The following HYDIN variants were observed in gnomAD, a reference collection of about 807,000 sequenced individuals.
HYDIN encodes axonemal central pair apparatus protein HYDIN.
HYDIN carries 132 observed loss-of-function variants against 403.9 expected under a neutral mutation model. That is an observed-to-expected ratio of 0.33 (90% CI 0.28 to 0.38). The LOEUF is 0.38. HYDIN is among the 10% of genes least tolerant of loss of function. HYDIN has a pLI of 1.00. For missense variants in HYDIN, 2,827 were observed against 5,009.5 expected (o/e 0.56, Z 13.15); for synonymous variants, 1,202 against 1,891.7 (o/e 0.64, Z 9.46).
At chr16:70,901,520 G>C (rs2076377373) in intron 52 of HYDIN, among the ~76,000 whole-genome samples, 1 of 149,518 alleles carries the variant, frequency 6.7e-6, no homozygotes, top group South Asian at 2.1e-4. Context: ...GGGGTATTTG[G>C]TTTTCCGTTC....
At chr16:71,082,574 A>T (rs540240956) in intron 12 of HYDIN, among the ~76,000 whole-genome samples, 17 of 151,796 alleles carry the variant, frequency 1.1e-4, no homozygotes, top group African/African-American at 3.9e-4. Context: ...TGTCCAGAAG[A>T]TAGAACAAGA....
At chr16:70,909,006 A>T in intron 47 of HYDIN, 145 bp from the exon 48 acceptor site, 1 of 730,432 alleles carries the variant, frequency 1.4e-6, no homozygotes, top group Non-Finnish European at 2.2e-6. Context: ...AGTCTTGGGT[A>T]GTGACAAGAC....
chr16:71,146,537 T>TTG (rs1481747912), intron 7 of HYDIN, among the ~76,000 whole-genome samples: 4 of 72,300 alleles, frequency 5.5e-5, no homozygotes, highest in African/African-American at 7.9e-5. Context: ...AACAGGAGGT[T>TTG]CAAATATATC....
chr16:70,811,717 C>T lies in HYDIN; in HGVS notation c.14659-1710G>A, dbSNP rs546803222. On this transcript the variant is annotated intron_variant, in intron 84 of 85. Coordinates refer to ENST00000393567, the MANE Select transcript of HYDIN (RefSeq NM_001270974.2). ...TACTAAAAATACAAAATTAGCTGGGCGTGGTGGCACATGCCTGTGATCTTA... is the reference window on the plus strand; with the variant it reads ...TACTAAAAATACAAAATTAGCTGGGTGTGGTGGCACATGCCTGTGATCTTA... 7.7e-4 allele frequency among the ~76,000 whole-genome samples: 117 copies of T among 151,682 alleles called. 1 individual carries two copies. The highest frequency in any genetic ancestry group is 2.7e-3 in the African/African-American group (112 of 41,342).
chr16:70,944,040 A>C, intron 41 of HYDIN, 91 bp from the exon 42 acceptor site: 11 of 941,552 alleles, frequency 1.2e-5, no homozygotes, highest in African/African-American at 1.6e-5. Flanking sequence ...TGGGAAGATC[A>C]CATAATCTGT....
intron 7 of HYDIN, among the ~76,000 whole-genome samples, chr16:71,139,687 A>G (rs1358693723): frequency 6.6e-6 from 1 of 152,046 alleles, no homozygotes; most frequent in Non-Finnish European, 1.5e-5. Flanking sequence ...TTCAGAAAAC[A>G]CAAAAGGCAA....
At chr16:70,999,332 GAGA>G (rs934318532) in intron 23 of HYDIN, among the ~76,000 whole-genome samples, 1 of 151,384 alleles carries the variant, frequency 6.6e-6, no homozygotes, top group African/African-American at 2.4e-5. Flanking sequence ...AGATGGTAGT[GAGA>G]AGGTCATGAA....
At chr16:70,944,668 C>T (rs985584747) in intron 41 of HYDIN, among the ~76,000 whole-genome samples, 1 of 152,164 alleles carries the variant, frequency 6.6e-6, no homozygotes, top group Admixed American at 6.6e-5. Flanking sequence ...CCTTGTAGCC[C>T]ATGGTCAGCA....
At chr16:71,139,477 T>C (rs1244115902) in intron 7 of HYDIN, among the ~76,000 whole-genome samples, 1 of 152,016 alleles carries the variant, frequency 6.6e-6, no homozygotes, top group Non-Finnish European at 1.5e-5. Context: ...CAATTATACA[T>C]ACTATGTTTA....
chr16:70,981,732 C>A (rs542544298), intron 28 of HYDIN, among the ~76,000 whole-genome samples, 164 bp from the exon 29 acceptor site: 4 of 152,160 alleles, frequency 2.6e-5, no homozygotes, highest in African/African-American at 7.2e-5. Context: ...AGAAGAGGTT[C>A]GTAAATCCAC....
intron 41 of HYDIN, among the ~76,000 whole-genome samples, chr16:70,944,597 G>A (rs530596261): frequency 1.4e-4 from 22 of 152,266 alleles, no homozygotes; most frequent in African/African-American, 4.8e-4. Context: ...AGTGAGCAAT[G>A]GGGAAGACAG....
At chr16:70,810,036 T>G in intron 84 of HYDIN, 29 bp from the exon 85 acceptor site, 1 of 1,603,350 alleles carries the variant, frequency 6.2e-7, no homozygotes, top group Non-Finnish European at 8.5e-7. Flanking sequence ...GATCCTGTCA[T>G]GCTGAAAGGC....
At chr16:70,951,480 T>C (rs2143918621) in intron 41 of HYDIN, among the ~76,000 whole-genome samples, 2 of 152,084 alleles carry the variant, frequency 1.3e-5, no homozygotes, top group South Asian at 4.2e-4. Flanking sequence ...CAAAAGACCA[T>C]GCCTCCTACA....
intron 39 of HYDIN, among the ~76,000 whole-genome samples, chr16:70,957,352 A>T (rs2078276351): frequency 7.5e-6 from 1 of 133,316 alleles, no homozygotes; most frequent in African/African-American, 3.1e-5. Context: ...TTTGAGATGG[A>T]GTCTCGCCCT....
chr16:70,940,497 T>C (rs1268897272), intron 43 of HYDIN, among the ~76,000 whole-genome samples: 2 of 151,846 alleles, frequency 1.3e-5, no homozygotes, highest in African/African-American at 2.4e-5. Flanking sequence ...TGTGACCGTA[T>C]ACCATCTTAG....
chr16:70,995,156 C>T (rs146334999), intron 23 of HYDIN, among the ~76,000 whole-genome samples: 94 of 152,256 alleles, frequency 6.2e-4, no homozygotes, highest in East Asian at 4.3e-3. Flanking sequence ...GAGGACTTTA[C>T]GTTATTAAAA....
chr16:70,994,343 G>C (rs931283306), intron 23 of HYDIN, among the ~76,000 whole-genome samples: 1 of 151,652 alleles, frequency 6.6e-6, no homozygotes, highest in African/African-American at 2.4e-5. Context: ...GAGAACAGTT[G>C]AATAGCATAG....
In HYDIN at chr16:70,920,584, T is replaced by C. The variant is rs776943928; in HGVS notation, c.7785+7A>G. On this transcript the variant is annotated splice_region_variant and intron_variant, in intron 46 of 85. Transcript: ENST00000393567. ...GAGACTTCCCCACCCTGGAGGAGAG[T>C]CCATACCTGCTCTCCTTTGGGAAGC... 1.2e-6 allele frequency: 2 copies of C among 1,600,930 alleles called. No homozygotes were observed. Among genetic ancestry groups the C allele is most frequent in the East Asian group, 2.2e-5 (1 of 44,786 alleles).
chr16:70,824,176 T>C (rs1230120787), intron 83 of HYDIN, among the ~76,000 whole-genome samples: 1 of 148,638 alleles, frequency 6.7e-6, no homozygotes, highest in Non-Finnish European at 1.5e-5. Flanking sequence ...TTTCAATATG[T>C]ATTACTGTAA....
Sources: gnomAD v4.1 joint callset for allele counts (sites outside exome capture counted in the v4.1 genomes callset) on GRCh38, gnomAD v4.1.1 for gene constraint, MANE v1.5 for transcripts, NCBI Gene and HGNC (gene_info 2026-07-23, HGNC 2026-07-21) for gene names.